Variants in ADGRL3 observed in about 807,000 individuals in gnomAD.
The protein encoded by ADGRL3 is adhesion G protein-coupled receptor L3, also known as calcium-independent alpha-latrotoxin receptor 3.
Under a neutral mutation model 153.5 loss-of-function variants are expected in ADGRL3, and 62 were observed. The observed-to-expected ratio is 0.40, with a 90% CI of 0.33 to 0.50. ADGRL3 has a LOEUF of 0.50. Among genes scored for constraint, ADGRL3 ranks in the 20% least tolerant of loss-of-function variants. ADGRL3 has a pLI of 0.47. For missense variants in ADGRL3, 1,641 were observed against 1,859.4 expected (o/e 0.88, Z 2.16); for synonymous variants, 710 against 672.5 (o/e 1.06, Z -0.86).
At chr4:62,039,138 A>T (rs1726788025) in intron 24 of ADGRL3, among the ~76,000 whole-genome samples, 1 of 152,126 alleles carries the variant, frequency 6.6e-6, no homozygotes, top group African/African-American at 2.4e-5. Flanking sequence ...TGGATGTTCA[A>T]TTGGCTTGTA....
chr4:61,686,023 CAG>C (rs553898249), intron 6 of ADGRL3, among the ~76,000 whole-genome samples: 1,571 of 151,440 alleles, frequency 0.01, 27 homozygotes, highest in African/African-American at 0.035. Flanking sequence ...GTTGGATTGA[CAG>C]AGTTAGGAAA....
At chr4:61,889,602 T>C (rs2098558021) in intron 9 of ADGRL3, among the ~76,000 whole-genome samples, 1 of 152,214 alleles carries the variant, frequency 6.6e-6, no homozygotes, top group African/African-American at 2.4e-5. Flanking sequence ...TAAAGAACAT[T>C]AATTTTCATT....
chr4:61,426,507 T>C (rs2097283555), intron 2 of ADGRL3, among the ~76,000 whole-genome samples: 1 of 152,210 alleles, frequency 6.6e-6, no homozygotes. Context: ...TTTCACTGAC[T>C]GGCCTCCATA....
intron 17 of ADGRL3, among the ~76,000 whole-genome samples, chr4:61,950,520 TA>T (rs2098943032): frequency 6.6e-6 from 1 of 152,120 alleles, no homozygotes; most frequent in Non-Finnish European, 1.5e-5. Context: ...TAATACACAA[TA>T]AGTATAACAA....
rs924280955 is a variant in ADGRL3, at chr4:62,044,323, T to G, written c.3718-130T>G. 3.4e-5 allele frequency: 22 copies of G among 651,420 alleles called. No homozygotes were observed. The East Asian group carries it at 6.0e-4, about 18-fold the overall frequency. 40.4% of individuals were successfully genotyped at this position (651,420 alleles called of 1,614,324 possible). A position where few individuals can be genotyped will look rare whatever the true frequency, so the allele number is the denominator to read the frequency against. On this transcript the variant is annotated intron_variant, in intron 24 of 26. Coordinates refer to ENST00000683033, the MANE Select transcript of ADGRL3 (RefSeq NM_001387552.1). ...TTCTCATGCTACTGTACTGCAAACA[T>G]GTAGTTGTCTATTTGCCAAATGCTA... is the stretch of plus-strand genomic sequence containing the variant.
At chr4:61,476,054 A>C (rs546076515) in intron 2 of ADGRL3, among the ~76,000 whole-genome samples, 1 of 152,216 alleles carries the variant, frequency 6.6e-6, no homozygotes, top group African/African-American at 2.4e-5. Context: ...GACTCCTCAT[A>C]TTCATCATTG....
At chr4:61,203,146 G>A (rs1735590909) in intron 1 of ADGRL3, among the ~76,000 whole-genome samples, 1 of 152,210 alleles carries the variant, frequency 6.6e-6, no homozygotes, top group South Asian at 2.1e-4. Flanking sequence ...GCAGGTTGAA[G>A]TAATCGAGTC....
At chr4:61,641,050 C>A (rs1255326009) in intron 5 of ADGRL3, among the ~76,000 whole-genome samples, 1 of 151,988 alleles carries the variant, frequency 6.6e-6, no homozygotes, top group Non-Finnish European at 1.5e-5. Flanking sequence ...GAAAAGAACA[C>A]AGAATGCTGT....
At chr4:61,559,019 TA>T (rs1395673823) in intron 4 of ADGRL3, among the ~76,000 whole-genome samples, 2 of 152,098 alleles carry the variant, frequency 1.3e-5, no homozygotes, top group Non-Finnish European at 2.9e-5. Context: ...ATAGTAATTA[TA>T]ATAAGGATTA....
intron 1 of ADGRL3, among the ~76,000 whole-genome samples, chr4:61,364,200 G>A (rs1487558879): frequency 1.3e-5 from 2 of 151,798 alleles, no homozygotes; most frequent in Non-Finnish European, 2.9e-5. Flanking sequence ...GGGCATGGTG[G>A]TGCACACCTG....
At chr4:61,743,974 C>G (rs2096617988) in intron 8 of ADGRL3, among the ~76,000 whole-genome samples, 1 of 152,178 alleles carries the variant, frequency 6.6e-6, no homozygotes, top group Non-Finnish European at 1.5e-5. Context: ...AAAGGGGTTA[C>G]AGACAGCACC....
intron 1 of ADGRL3, among the ~76,000 whole-genome samples, chr4:61,375,336 T>G (rs1046960293): frequency 1.3e-5 from 2 of 152,188 alleles, no homozygotes; most frequent in Non-Finnish European, 1.5e-5. Context: ...AAAGACAGGA[T>G]AAATAAATGT....
intron 1 of ADGRL3, among the ~76,000 whole-genome samples, chr4:61,341,117 C>T (rs2095799976): frequency 6.6e-6 from 1 of 151,884 alleles, no homozygotes; most frequent in East Asian, 1.9e-4. Context: ...CACACATTTA[C>T]CTATCCTTCA....
chr4:61,232,626 G>T (rs906587784), intron 1 of ADGRL3, among the ~76,000 whole-genome samples: 1 of 151,938 alleles, frequency 6.6e-6, no homozygotes, highest in African/African-American at 2.4e-5. Flanking sequence ...TGTCACTTTG[G>T]AAGAACAAGC....
chr4:61,742,346 T>G (rs973863544), intron 8 of ADGRL3, among the ~76,000 whole-genome samples: 2 of 152,144 alleles, frequency 1.3e-5, no homozygotes, highest in Non-Finnish European at 2.9e-5. Context: ...TGGAGCGATC[T>G]CGGCTCACTG....
chr4:61,985,384 T>G (rs1449863257), intron 19 of ADGRL3, among the ~76,000 whole-genome samples: 1 of 151,940 alleles, frequency 6.6e-6, no homozygotes. Flanking sequence ...TTCTATTGAG[T>G]GAATAGGTGA....
At chr4:61,784,735 G>A (rs2097257688) in intron 8 of ADGRL3, among the ~76,000 whole-genome samples, 1 of 152,082 alleles carries the variant, frequency 6.6e-6, no homozygotes, top group South Asian at 2.1e-4. Flanking sequence ...CAAAATGTGA[G>A]AGTTGGTTCA....
intron 5 of ADGRL3, among the ~76,000 whole-genome samples, chr4:61,634,190 C>T (rs13112130): frequency 1.3e-5 from 2 of 152,102 alleles, no homozygotes; most frequent in Admixed American, 1.3e-4. Context: ...AGTGGACAGT[C>T]TCAGTATTAA....
At chr4:61,323,793 T>G (rs1337545574) in intron 1 of ADGRL3, among the ~76,000 whole-genome samples, 1 of 152,210 alleles carries the variant, frequency 6.6e-6, no homozygotes, top group Non-Finnish European at 1.5e-5. Flanking sequence ...TTCCAAACTG[T>G]TCCAGTCTCT....
Sources: gnomAD v4.1 joint callset for allele counts (sites outside exome capture counted in the v4.1 genomes callset) on GRCh38, gnomAD v4.1.1 for gene constraint, MANE v1.5 for transcripts, NCBI Gene and HGNC (gene_info 2026-07-23, HGNC 2026-07-21) for gene names.